The following LUZP2 variants were observed in gnomAD, a reference collection of about 807,000 sequenced individuals.
The protein encoded by LUZP2 is leucine zipper protein 2.
LUZP2 carries 52 observed loss-of-function variants against 51.6 expected under a neutral mutation model. The ratio of observed to expected loss-of-function variants is 1.01; its 90% CI spans 0.81 to 1.27. The LOEUF (loss-of-function observed/expected upper bound fraction) is 1.27, where lower values mean the gene tolerates loss of function less well. LUZP2 is among the 50% of genes most tolerant of loss of function. LUZP2 has a pLI of 0.00. For synonymous variants in LUZP2, 154 were observed against 137.3 expected (o/e 1.12, Z -0.85); for missense variants, 436 against 395.4 (o/e 1.10, Z -0.87).
intron 7 of LUZP2, among the ~76,000 whole-genome samples, chr11:24,926,408 C>CGTGTGTATATATATATAT (rs1854259719): frequency 1.9e-5 from 1 of 53,090 alleles, no homozygotes; most frequent in Non-Finnish European, 3.9e-5. Context: ...TATATATATA[C>CGTGTGTATATATATATAT]GTGTGTATAT....
chr11:25,040,342 G>GTTTTTTTTTTTTTTTTTTTTTTTTT (rs1491549909), intron 9 of LUZP2, among the ~76,000 whole-genome samples: 1 of 34,030 alleles, frequency 2.9e-5, no homozygotes, highest in African/African-American at 3.4e-4. Context: ...CTTTCTTTCC[G>GTTTTTTTTTTTTTTTTTTTTTTTTT]ATTTTTTTTT....
chr11:24,737,945 G>T (rs896179809), intron 3 of LUZP2, among the ~76,000 whole-genome samples: 2 of 151,962 alleles, frequency 1.3e-5, no homozygotes, highest in African/African-American at 4.8e-5. Flanking sequence ...AACACATCAT[G>T]TGCCTCACAG....
intron 1 of LUZP2, among the ~76,000 whole-genome samples, chr11:24,716,356 A>G (rs1858042532): frequency 6.6e-6 from 1 of 152,220 alleles, no homozygotes. Flanking sequence ...TTCATTAAAG[A>G]CAAAAAACAA....
At chr11:24,775,761 T>TGA (rs905872931) in intron 5 of LUZP2, among the ~76,000 whole-genome samples, 1 of 151,784 alleles carries the variant, frequency 6.6e-6, no homozygotes, top group East Asian at 1.9e-4. Context: ...TTCGGTTCTC[T>TGA]GAGAGAGAGA....
At chr11:24,931,820 A>C (rs1590746566) in intron 7 of LUZP2, among the ~76,000 whole-genome samples, 1 of 152,120 alleles carries the variant, frequency 6.6e-6, no homozygotes, top group Non-Finnish European at 1.5e-5. Context: ...TTGTTTTGTC[A>C]TATCACTGGA....
Position 25,078,747 on chromosome 11 carries a change from A to G in LUZP2, c.*89A>G. 2 of 1,005,714 alleles carry G rather than the reference A, an allele frequency of 2.0e-6. No individual in the cohort carries two copies. The highest frequency in any genetic ancestry group is 3.0e-6 in the Non-Finnish European group (2 of 676,402). The allele number at this position is 1,005,714 out of a possible 1,614,324, so 62.3% of individuals were successfully genotyped here. A position where few individuals can be genotyped will look rare whatever the true frequency, so the allele number is the denominator to read the frequency against. On this transcript the variant is annotated 3_prime_UTR_variant, in exon 12 of 12. Coordinates refer to ENST00000336930, the MANE Select transcript of LUZP2 (RefSeq NM_001009909.4). ...AGCTTGATGGAAATACTGTTTCTAA[A>G]GCATGCAACTTTTTCACAATTTTAT...
At chr11:24,940,019 C>G (rs1337900857) in intron 7 of LUZP2, among the ~76,000 whole-genome samples, 1 of 151,210 alleles carries the variant, frequency 6.6e-6, no homozygotes, top group Non-Finnish European at 1.5e-5. Context: ...GGTTCTGGCT[C>G]TATTTTTTTT....
intron 7 of LUZP2, among the ~76,000 whole-genome samples, chr11:24,974,734 G>T (rs1227568415): frequency 6.6e-6 from 1 of 152,054 alleles, no homozygotes; most frequent in South Asian, 2.1e-4. Flanking sequence ...ACGATAAGAA[G>T]AAAATTATGC....
chr11:24,983,074 T>G, intron 8 of LUZP2, 52 bp from the exon 9 acceptor site: 2 of 1,566,574 alleles, frequency 1.3e-6, no homozygotes, highest in South Asian at 2.3e-5. Context: ...TGCAAGCAGA[T>G]AATTGATGAG....
intron 8 of LUZP2, among the ~76,000 whole-genome samples, chr11:24,982,558 C>G (rs944159230): frequency 7.3e-5 from 11 of 151,646 alleles, no homozygotes; most frequent in Non-Finnish European, 1.2e-4. Flanking sequence ...ATGATGAGAA[C>G]TTAGGAAGAC....
chr11:24,666,393 G>A (rs540600390), intron 1 of LUZP2, among the ~76,000 whole-genome samples: 26 of 152,154 alleles, frequency 1.7e-4, no homozygotes, highest in African/African-American at 5.8e-4. Context: ...AATGAAAATT[G>A]CCTGAAAAAT....
At chr11:24,661,294 G>A (rs1856012704) in intron 1 of LUZP2, among the ~76,000 whole-genome samples, 1 of 152,060 alleles carries the variant, frequency 6.6e-6, no homozygotes, top group African/African-American at 2.4e-5. Flanking sequence ...TGCATCTTGA[G>A]CTATTCTGCC....
chr11:24,699,394 T>C (rs1396002573), intron 1 of LUZP2, among the ~76,000 whole-genome samples: 1 of 152,146 alleles, frequency 6.6e-6, no homozygotes, highest in African/African-American at 2.4e-5. Context: ...TTCATGAACT[T>C]TTTGAAGTTC....
intron 1 of LUZP2, among the ~76,000 whole-genome samples, chr11:24,715,122 G>A (rs1444362417): frequency 2.0e-5 from 3 of 151,804 alleles, no homozygotes; most frequent in Admixed American, 2.0e-4. Flanking sequence ...TGGACAGAGT[G>A]AACAATGAAA....
At chr11:24,613,891 A>G (rs1207192372) in intron 1 of LUZP2, among the ~76,000 whole-genome samples, 1 of 152,044 alleles carries the variant, frequency 6.6e-6, no homozygotes, top group Non-Finnish European at 1.5e-5. Context: ...TGCATCTTAA[A>G]TATCCCATGA....
At chr11:24,820,906 A>C (rs1850339046) in intron 5 of LUZP2, among the ~76,000 whole-genome samples, 1 of 152,140 alleles carries the variant, frequency 6.6e-6, no homozygotes, top group South Asian at 2.1e-4. Flanking sequence ...GATGTTCAAC[A>C]GTCAGTGGTG....
intron 1 of LUZP2, among the ~76,000 whole-genome samples, chr11:24,533,762 A>G (rs907375461): frequency 6.6e-6 from 1 of 150,990 alleles, no homozygotes; most frequent in African/African-American, 2.4e-5. Context: ...TATTTGGGAC[A>G]ATCTATTTCA....
intron 10 of LUZP2, among the ~76,000 whole-genome samples, chr11:25,051,686 G>A (rs1858520724): frequency 6.6e-6 from 1 of 152,128 alleles, no homozygotes; most frequent in Admixed American, 6.5e-5. Flanking sequence ...TTTGAACAAG[G>A]GAGCTAGTTC....
intron 9 of LUZP2, among the ~76,000 whole-genome samples, chr11:24,996,525 A>G (rs1856503151): frequency 6.6e-6 from 1 of 150,954 alleles, no homozygotes; most frequent in South Asian, 2.1e-4. Context: ...GCAACTTCTA[A>G]GAATTCTCAC....
Sources: allele counts gnomAD v4.1 joint callset (sites outside exome capture counted in the v4.1 genomes callset), GRCh38; gene constraint gnomAD v4.1.1; transcripts MANE v1.5; gene names NCBI Gene and HGNC (gene_info 2026-07-23, HGNC 2026-07-21).